RYR2: variants seen among roughly 807,000 people sequenced by gnomAD.
The protein encoded by RYR2 is ryanodine receptor 2.
A neutral mutation model predicts 601.1 loss-of-function variants in RYR2; 227 were observed. That is an observed-to-expected ratio of 0.38 (90% CI 0.34 to 0.42). The LOEUF (loss-of-function observed/expected upper bound fraction) is 0.42. Ranked by LOEUF, RYR2 falls within the 10% of genes least tolerant of loss-of-function variation. The pLI is 1.00. For missense variants in RYR2, 4,646 were observed against 6,156.5 expected (o/e 0.75, Z 8.21); for synonymous variants, 2,223 against 2,175.1 (o/e 1.02, Z -0.61).
At chr1:237,366,613 G>A (rs941573930) in intron 5 of RYR2, among the ~76,000 whole-genome samples, 3 of 149,792 alleles carry the variant, frequency 2.0e-5, no homozygotes, top group Non-Finnish European at 3.0e-5. Flanking sequence ...AACAAAAAAA[G>A]CAAACCAGAA....
rs563455639 is a variant in RYR2, at chr1:237,491,926, T to G, written c.1827+2T>G. 1.8e-6 allele frequency: 2 copies of G among 1,116,790 alleles called. No individual in the cohort carries two copies. Among genetic ancestry groups the G allele is most frequent in the African/African-American group, 1.6e-5 (1 of 63,746 alleles). The allele number at this position is 1,116,790 out of a possible 1,614,324, so 69.2% of individuals were successfully genotyped here. On this transcript the variant is annotated splice_donor_variant, in intron 18 of 104. Transcript: ENST00000366574. LOFTEE classifies it high-confidence loss of function. ...GACAAACATGGAAGAAATCACAAGG[T>G]AAATGAACTATTTTATTTCCCTGAA...
rs1663663783 is a variant in RYR2, at chr1:237,830,601, T to A, written c.14727T>A (p.Thr4909=). The A allele has an allele frequency of 3.7e-6, 6 of 1,607,622 alleles. No homozygotes were observed. The highest frequency in any genetic ancestry group is 5.1e-6 in the Non-Finnish European group (6 of 1,174,322). The change falls in exon 103 of 105, where the codon ACT becomes ACA. Residue 4909 remains threonine, a synonymous_variant. Coordinates refer to ENST00000366574, the MANE Select transcript of RYR2 (RefSeq NM_001035.3). ...DTVPHGFETH[T]LQEHNLANYL... is the part of the protein sequence containing the mutation. The stretch of plus-strand genomic sequence containing the variant: ...TGCCACATGGCTTTGAAACCCACAC[T>A]TTACAGGAGCACAACTTGGCTAATT...
intron 17 of RYR2, among the ~76,000 whole-genome samples, chr1:237,473,971 G>A (rs1157412540): frequency 1.3e-5 from 2 of 151,036 alleles, no homozygotes; most frequent in Non-Finnish European, 3.0e-5. Context: ...ATGAATCATA[G>A]CTCCTGTCAT....
chr1:237,201,710 AG>A (rs1681212995), intron 1 of RYR2, among the ~76,000 whole-genome samples: 1 of 152,076 alleles, frequency 6.6e-6, no homozygotes, highest in African/African-American at 2.4e-5. Flanking sequence ...TCACTGGATG[AG>A]GGGCTCCCAG....
Position 237,364,346 on chromosome 1 carries a change from A to T in RYR2, c.295-12A>T. The T allele has an allele frequency of 6.3e-7, 1 of 1,576,026 alleles. No homozygotes were observed. Among genetic ancestry groups the T allele is most frequent in the Non-Finnish European group, 8.6e-7 (1 of 1,156,722 alleles). The stretch of plus-strand genomic sequence containing the variant: ...ATTTAATGTTTCCTCTCTTTTCCTT[A>T]TGCCCCTACAGAAATTCATGATGAA... On this transcript the variant is annotated splice_polypyrimidine_tract_variant and intron_variant, in intron 4 of 104. Transcript: ENST00000366574.
intron 48 of RYR2, among the ~76,000 whole-genome samples, chr1:237,644,240 T>C (rs1681886302): frequency 6.6e-6 from 1 of 152,108 alleles, no homozygotes; most frequent in Non-Finnish European, 1.5e-5. Flanking sequence ...TTTTGGTTTT[T>C]TGTTTTTTTT....
At chr1:237,061,073 T>C (rs1353798089) in intron 1 of RYR2, among the ~76,000 whole-genome samples, 3 of 152,202 alleles carry the variant, frequency 2.0e-5, no homozygotes, top group African/African-American at 2.4e-5. Context: ...GAGGGTTTCA[T>C]TGTGACTTTA....
intron 1 of RYR2, among the ~76,000 whole-genome samples, chr1:237,129,123 CT>C (rs1184186489): frequency 6.6e-6 from 1 of 152,196 alleles, no homozygotes; most frequent in Admixed American, 6.5e-5. Context: ...CCACTACAAC[CT>C]TCCCAGCCCA....
chr1:237,523,419 A>C (rs1278545399), intron 24 of RYR2, among the ~76,000 whole-genome samples: 1 of 152,192 alleles, frequency 6.6e-6, no homozygotes, highest in Non-Finnish European at 1.5e-5. Context: ...CAATAATAAG[A>C]ATACACAAAA....
At position 237,330,896 on chromosome 1, in the gene RYR2, T is replaced by C; in HGVS notation, c.187T>C (p.Ser63Pro). 6.2e-7 allele frequency: 1 copy of C among 1,613,932 alleles called. No homozygotes were observed. The highest frequency in any genetic ancestry group is 8.5e-7 in the Non-Finnish European group (1 of 1,179,838). The change falls in exon 3 of 105, where the codon TCC (serine) becomes CCC (proline). Residue 63 changes from serine (S) to proline (P), a missense_variant. This residue lies in a region of RYR2 where 153 missense variants were observed against 203.6 expected (regional missense o/e 0.75). Transcript: ENST00000366574. ...TGTGCAGAATGTGCCCCCAGACCTCTCCATCTGCACCTTTGTGCTGGAGCA... is the reference window on the plus strand; with the variant it reads ...TGTGCAGAATGTGCCCCCAGACCTCCCCATCTGCACCTTTGTGCTGGAGCA... ...SNSKNVPPDLSICTFVLEQSL... is the reference protein window; with the variant it reads ...SNSKNVPPDLPICTFVLEQSL...
At chr1:237,246,575 T>G (rs111491678) in intron 1 of RYR2, among the ~76,000 whole-genome samples, 2,300 of 152,318 alleles carry the variant, frequency 0.015, 65 homozygotes, top group African/African-American at 0.051. Context: ...TAGCTAGGAC[T>G]ACAGGCATGC....
chr1:237,778,924 C>T (rs576189006), intron 88 of RYR2, among the ~76,000 whole-genome samples, 154 bp downstream of exon 88: 2 of 152,102 alleles, frequency 1.3e-5, no homozygotes, highest in Admixed American at 6.5e-5. Context: ...GCCTCTTTTG[C>T]TCATTAAAAT....
At chr1:237,533,775 T>G (rs2147965492) in intron 25 of RYR2, among the ~76,000 whole-genome samples, 1 of 152,292 alleles carries the variant, frequency 6.6e-6, no homozygotes, top group East Asian at 1.9e-4. Context: ...TTCTAGATAG[T>G]AATTATCTTT....
chr1:237,623,707 T>C, intron 38 of RYR2, 58 bp from the exon 39 acceptor site: 2 of 1,182,246 alleles, frequency 1.7e-6, no homozygotes, highest in Non-Finnish European at 1.3e-6. Flanking sequence ...GTGCCATTCT[T>C]GAATTCACCT....
chr1:237,238,571 T>C (rs1685832298), intron 1 of RYR2, among the ~76,000 whole-genome samples: 1 of 152,182 alleles, frequency 6.6e-6, no homozygotes, highest in Non-Finnish European at 1.5e-5. Flanking sequence ...GCTAACATAA[T>C]AAAGCACTGA....
intron 19 of RYR2, among the ~76,000 whole-genome samples, chr1:237,496,117 A>C (rs1284570325): frequency 6.6e-6 from 1 of 152,312 alleles, no homozygotes; most frequent in Non-Finnish European, 1.5e-5. Context: ...TAAAATAGTG[A>C]GATGTGGCTG....
chr1:237,525,999 T>A (rs940536652), intron 24 of RYR2, among the ~76,000 whole-genome samples: 5 of 151,596 alleles, frequency 3.3e-5, no homozygotes, highest in Non-Finnish European at 5.9e-5. Context: ...ATAATAATAA[T>A]AAATATAATG....
rs570554092 is a variant in RYR2, at chr1:237,783,787, T to C, written c.12075T>C (p.Asp4025=). Reference sequence around the variant, plus strand: ...TTGACATGTTCTTAAAACTAAAGGATTTGACGTCGTCTGATACTTTTAAAG... The same window carrying C: ...TTGACATGTTCTTAAAACTAAAGGACTTGACGTCGTCTGATACTTTTAAAG... The part of the protein sequence containing the change: ...KFFDMFLKLK[D]LTSSDTFKEY... The change falls in exon 90 of 105, where the codon GAT becomes GAC. Residue 4025 remains aspartate, a synonymous_variant. Coordinates refer to ENST00000366574, the MANE Select transcript of RYR2 (RefSeq NM_001035.3). The C allele has an allele frequency of 1.1e-5, 17 of 1,613,466 alleles. No individual in the cohort carries two copies. The South Asian group carries it at 1.8e-4, about 17-fold the overall frequency.
chr1:237,325,562 C>T (rs1390296306), intron 2 of RYR2, among the ~76,000 whole-genome samples: 1 of 151,982 alleles, frequency 6.6e-6, no homozygotes, highest in Non-Finnish European at 1.5e-5. Flanking sequence ...GTGGCGGGTG[C>T]CTGTAGTCCC....
Sources: gnomAD v4.1 joint callset for allele counts (sites outside exome capture counted in the v4.1 genomes callset) on GRCh38, gnomAD v4.1.1 for gene constraint, gnomAD v4.1.1 regional missense constraint, MANE v1.5 for transcripts, NCBI Gene and HGNC (gene_info 2026-07-23, HGNC 2026-07-21) for gene names.